The following BCAS3 variants were observed in gnomAD, a reference collection of about 807,000 sequenced individuals.
BCAS3 encodes BCAS4/BCAS3 fusion.
In BCAS3, 53 loss-of-function variants were observed where a neutral mutation model predicts 116.1. That is an observed-to-expected ratio of 0.46 (90% CI 0.37 to 0.57). The LOEUF (loss-of-function observed/expected upper bound fraction) is 0.57. BCAS3 is among the 20% of genes least tolerant of loss of function. The probability of loss-of-function intolerance (pLI) is 0.00; values close to 1 mark genes in which losing one functional copy is unlikely to be tolerated. For missense variants in BCAS3, 917 were observed against 1,165.4 expected, an observed-to-expected ratio of 0.79 and a Z score of 3.10; for synonymous variants, 391 against 408.2, an observed-to-expected ratio of 0.96 and a Z score of 0.51.
chr17:61,319,602 G>A (rs2055029047), intron 22 of BCAS3, among the ~76,000 whole-genome samples: 1 of 150,048 alleles, frequency 6.7e-6, no homozygotes, highest in Non-Finnish European at 1.5e-5. Context: ...AAATTCAAAA[G>A]TTTGCCAGGC....
In BCAS3 at chr17:61,145,972, C is replaced by G. The variant is rs1421006713; in HGVS notation, c.2425+61408C>G. ...CCTGGAATCTGAGATTACCTTTTAT[C>G]CTCTTGATGGACCATGTTGTTATTT... On this transcript the variant is annotated intron_variant, in intron 22 of 23. Coordinates refer to ENST00000407086, the MANE Select transcript of BCAS3 (RefSeq NM_017679.5). The surrounding 1 kb of genome is among the most constrained non-coding windows in gnomAD (Gnocchi z 5.0). Among the ~76,000 whole-genome samples, 1 of 152,220 alleles carries G rather than the reference C, an allele frequency of 6.6e-6. No individual in the cohort carries two copies. The highest frequency in any genetic ancestry group is 1.9e-4 in the East Asian group (1 of 5,170).
At chr17:60,678,276 A>AG (rs2032326795) in intron 1 of BCAS3, among the ~76,000 whole-genome samples, 1 of 152,092 alleles carries the variant, frequency 6.6e-6, no homozygotes, top group Non-Finnish European at 1.5e-5. Context: ...GTATCCTCTG[A>AG]GGAGGTGGTG....
rs915962234 is a variant in BCAS3, at chr17:61,361,139, T to G, written c.2426-7188T>G. Among the ~76,000 whole-genome samples, 1 of 150,642 alleles carries G rather than the reference T, an allele frequency of 6.6e-6. No homozygotes were observed. Among genetic ancestry groups the G allele is most frequent in the African/African-American group, 2.4e-5 (1 of 40,864 alleles). On this transcript the variant is annotated intron_variant, in intron 22 of 23. Coordinates refer to ENST00000407086, the MANE Select transcript of BCAS3 (RefSeq NM_017679.5). The surrounding 1 kb of genome is among the most constrained non-coding windows in gnomAD (Gnocchi z 6.5). ...CATCATTTATTTATTTTCTGTGTCA[T>G]AAATGGGGAAATTAAGACCTAGAGG... is the stretch of plus-strand genomic sequence containing the variant.
intron 12 of BCAS3, among the ~76,000 whole-genome samples, chr17:60,923,567 G>A (rs1044278652): frequency 3.3e-5 from 5 of 152,196 alleles, no homozygotes; most frequent in Non-Finnish European, 5.9e-5. Flanking sequence ...AAAAAATAGC[G>A]TTGCCAGTGT....
intron 14 of BCAS3, among the ~76,000 whole-genome samples, chr17:60,973,586 A>ATATATATATATATATATAT (rs752524305): frequency 6.7e-4 from 93 of 137,936 alleles, no homozygotes; most frequent in African/African-American, 2.6e-3. Flanking sequence ...CCTTATTATT[A>ATATATATATATATATATAT]ATATATATAT....
At chr17:61,187,025 C>T (rs1436798698) in intron 22 of BCAS3, among the ~76,000 whole-genome samples, 3 of 152,082 alleles carry the variant, frequency 2.0e-5, no homozygotes, top group African/African-American at 4.8e-5. Context: ...TTTCTTTATT[C>T]TTCCAGAAAT....
intron 22 of BCAS3, among the ~76,000 whole-genome samples, chr17:61,231,584 A>G: frequency 6.6e-6 from 1 of 152,196 alleles, no homozygotes; most frequent in Non-Finnish European, 1.5e-5. Flanking sequence ...AAAGGAAATG[A>G]CAAGGCTGGA....
In BCAS3 at chr17:61,145,333, T is replaced by C. The variant is rs1358031066; in HGVS notation, c.2425+60769T>C. Reference sequence around the variant, plus strand: ...CCTGGGGCAGCAGCGGGGTCTGGCCTGCAGAAAGGAGCAGCCTGACCAAAT... The same window carrying C: ...CCTGGGGCAGCAGCGGGGTCTGGCCCGCAGAAAGGAGCAGCCTGACCAAAT... On this transcript the variant is annotated intron_variant, in intron 22 of 23. Transcript: ENST00000407086. This position sits in a 1 kb window ranked among gnomAD's most constrained non-coding sequence, Gnocchi z 5.0. Among the ~76,000 whole-genome samples the C allele has an allele frequency of 6.6e-6, 1 of 152,236 alleles. No individual in the cohort carries two copies. The highest frequency in any genetic ancestry group is 1.5e-5 in the Non-Finnish European group (1 of 68,050).
At chr17:61,000,757 T>C (rs1248800832) in intron 15 of BCAS3, among the ~76,000 whole-genome samples, 1 of 152,148 alleles carries the variant, frequency 6.6e-6, no homozygotes, top group Non-Finnish European at 1.5e-5. Context: ...TTTAGAACAA[T>C]ACTAGGCTCA....
In BCAS3 at chr17:61,106,582, G is replaced by A. The variant is rs189340091; in HGVS notation, c.2425+22018G>A. 8.5e-5 allele frequency among the ~76,000 whole-genome samples: 13 copies of A among 152,300 alleles called. No homozygotes were observed. Among genetic ancestry groups the A allele is most frequent in the Middle Eastern group, 3.4e-3 (1 of 294 alleles). Reference sequence around the variant, plus strand: ...CATCTTTGTTGTTAAGCAATGCGTGGGTGTATAGTGTTGGTACTGTCCATG... The same window carrying A: ...CATCTTTGTTGTTAAGCAATGCGTGAGTGTATAGTGTTGGTACTGTCCATG... On this transcript the variant is annotated intron_variant, in intron 22 of 23. Coordinates refer to ENST00000407086, the MANE Select transcript of BCAS3 (RefSeq NM_017679.5). This position sits in a 1 kb window ranked among gnomAD's most constrained non-coding sequence, Gnocchi z 4.2.
intron 22 of BCAS3, among the ~76,000 whole-genome samples, chr17:61,353,306 A>G (rs1265976954): frequency 6.6e-6 from 1 of 152,224 alleles, no homozygotes; most frequent in Non-Finnish European, 1.5e-5. Context: ...GGGTGTGGGC[A>G]GTGATTCTGC....
chr17:61,209,467 C>T (rs1006256486), intron 22 of BCAS3, among the ~76,000 whole-genome samples: 1 of 152,118 alleles, frequency 6.6e-6, no homozygotes, highest in African/African-American at 2.4e-5. Context: ...GGAAAATTCT[C>T]ATTATAAAGG....
rs1294357473 is a variant in BCAS3, at chr17:61,037,978, A to G, written c.1852A>G (p.Ser618Gly). 1.9e-6 allele frequency: 3 copies of G among 1,614,068 alleles called. No homozygotes were observed. The highest frequency in any genetic ancestry group is 2.5e-6 in the Non-Finnish European group (3 of 1,180,028). ...ACACATGATGGAGCCGCGACCCCTC[A>G]GCACTGCACCCAAGATTAGTGACGA... ...VEHMMEPRPL[S>G]TAPKISDDTP... is the part of the protein sequence containing the mutation. Residue 618 changes from serine (S) to glycine (G), a missense_variant, in exon 18 of 24, where the codon AGC becomes GGC. Coordinates refer to ENST00000407086, the MANE Select transcript of BCAS3 (RefSeq NM_017679.5). The surrounding 1 kb of genome is among the most constrained non-coding windows in gnomAD (Gnocchi z 4.7).
In BCAS3 at chr17:61,362,917, T is replaced by C. The variant is rs1235157802; in HGVS notation, c.2426-5410T>C. On this transcript the variant is annotated intron_variant, in intron 22 of 23. Coordinates refer to ENST00000407086, the MANE Select transcript of BCAS3 (RefSeq NM_017679.5). This position sits in a 1 kb window ranked among gnomAD's most constrained non-coding sequence, Gnocchi z 4.4. ...TTTTAACTCCACTTTCTGCCTACTCTGACCCTAGATATTCAGGCTCTGGTA... is the reference window on the plus strand; with the variant it reads ...TTTTAACTCCACTTTCTGCCTACTCCGACCCTAGATATTCAGGCTCTGGTA... 6.6e-6 allele frequency: 1 copy of C among 152,248 alleles called. No homozygotes were observed. The highest frequency in any genetic ancestry group is 1.9e-4 in the East Asian group (1 of 5,192). 9.4% of individuals were successfully genotyped at this position (152,248 alleles called of 1,614,324 possible).
chr17:60,746,493 A>G (rs1261097817), intron 5 of BCAS3, among the ~76,000 whole-genome samples: 1 of 152,162 alleles, frequency 6.6e-6, no homozygotes, highest in African/African-American at 2.4e-5. Context: ...GAATTAATAG[A>G]ATGAATGACT....
At chr17:61,123,475 A>G (rs1048933683) in intron 22 of BCAS3, among the ~76,000 whole-genome samples, 2 of 152,158 alleles carry the variant, frequency 1.3e-5, no homozygotes, top group African/African-American at 2.4e-5. Flanking sequence ...AATAATGATA[A>G]TATATACTAT....
At chr17:60,836,978 C>T (rs1405897780) in intron 7 of BCAS3, among the ~76,000 whole-genome samples, 2 of 152,068 alleles carry the variant, frequency 1.3e-5, no homozygotes, top group Non-Finnish European at 2.9e-5. Context: ...GAAGGCAGAT[C>T]CTGGATTTCA....
rs187556478 is a variant in BCAS3, at chr17:60,761,904, C to T, written c.403+14625C>T. Reference sequence around the variant, plus strand: ...CTTTTTAATGATTGCCATTCTAATTCGTGTGAGATGGTATCTCATTGTGGT... The same window carrying T: ...CTTTTTAATGATTGCCATTCTAATTTGTGTGAGATGGTATCTCATTGTGGT... On this transcript the variant is annotated intron_variant, in intron 6 of 23. Coordinates refer to ENST00000407086, the MANE Select transcript of BCAS3 (RefSeq NM_017679.5). 2.0e-5 allele frequency among the ~76,000 whole-genome samples: 3 copies of T among 149,698 alleles called. No individual in the cohort carries two copies. In the East Asian group the frequency reaches 5.8e-4, roughly 29 times the overall value.
intron 22 of BCAS3, among the ~76,000 whole-genome samples, chr17:61,318,724 G>T (rs895949160): frequency 8.5e-5 from 13 of 152,308 alleles, no homozygotes; most frequent in Non-Finnish European, 5.9e-5. Flanking sequence ...TTCTGCTAGG[G>T]TTAGCAGTTT....
Sources: gnomAD v4.1 joint callset for allele counts (sites outside exome capture counted in the v4.1 genomes callset) on GRCh38, gnomAD v4.1.1 for gene constraint, Gnocchi (gnomAD v3.1) non-coding constraint, MANE v1.5 for transcripts, NCBI Gene and HGNC (gene_info 2026-07-23, HGNC 2026-07-21) for gene names.